Variants in SRP72 observed in about 807,000 individuals in gnomAD.
The protein encoded by SRP72 is signal recognition particle subunit SRP72.
In SRP72, 49 loss-of-function variants were observed where a neutral mutation model predicts 96.3. The ratio of observed to expected loss-of-function variants is 0.51; its 90% CI spans 0.40 to 0.65. SRP72 has a LOEUF of 0.65. Among genes scored for constraint, SRP72 ranks in the 30% least tolerant of loss-of-function variants. The pLI is 0.00. For missense variants in SRP72, 736 were observed against 793.3 expected (o/e 0.93, Z 0.87); for synonymous variants, 267 against 275.2 (o/e 0.97, Z 0.30).
At chr4:56,469,975 T>TC (rs917121562) in intron 2 of SRP72, among the ~76,000 whole-genome samples, 1 of 97,208 alleles carries the variant, frequency 1.0e-5, no homozygotes, top group African/African-American at 3.4e-5. Flanking sequence ...TTAGAGAGTT[T>TC]TTTTTTTTTT....
At chr4:56,493,358 A>G (rs1441240555) in intron 16 of SRP72, among the ~76,000 whole-genome samples, 1 of 152,014 alleles carries the variant, frequency 6.6e-6, no homozygotes, top group East Asian at 1.9e-4. Flanking sequence ...TTCTTAGACA[A>G]TCATTAAGAT....
intron 16 of SRP72, among the ~76,000 whole-genome samples, chr4:56,494,722 A>G (rs1372495036): frequency 6.6e-6 from 1 of 152,056 alleles, no homozygotes; most frequent in Non-Finnish European, 1.5e-5. Flanking sequence ...AATGCTTGAC[A>G]ATTATTTTGA....
At chr4:56,484,930 A>G (rs1177504968) in intron 10 of SRP72, 66 bp downstream of exon 10, 2 of 1,556,136 alleles carry the variant, frequency 1.3e-6, no homozygotes, top group African/African-American at 2.7e-5. Context: ...TTGTGTTGTA[A>G]TAACCTACTA....
intron 17 of SRP72, among the ~76,000 whole-genome samples, chr4:56,497,304 C>T (rs1479340831): frequency 2.0e-5 from 3 of 151,162 alleles, no homozygotes; most frequent in East Asian, 2.0e-4. Context: ...ACTGCAAGCT[C>T]CACCTCCCAG....
chr4:56,478,784 T>C (rs1578182227), intron 8 of SRP72, 135 bp downstream of exon 8: 1 of 772,488 alleles, frequency 1.3e-6, no homozygotes, highest in Non-Finnish European at 2.1e-6. Context: ...AAAATCACAA[T>C]GGATAGTATT....
chr4:56,476,712 C>A lies in SRP72; in HGVS notation c.642+10C>A. On this transcript the variant is annotated intron_variant, in intron 6 of 18. Coordinates refer to ENST00000642900, the MANE Select transcript of SRP72 (RefSeq NM_006947.4). ...ATTATCAGAAGACACTGTAAGTATT[C>A]CATCATTGTTAAACCTAAATTTTAC... The A allele has an allele frequency of 6.2e-7, 1 of 1,611,972 alleles. No individual in the cohort carries two copies. The highest frequency in any genetic ancestry group is 8.5e-7 in the Non-Finnish European group (1 of 1,179,410).
In SRP72 at chr4:56,488,183, AT is replaced by A. The variant is rs552311027; in HGVS notation, c.1224+172del. On this transcript the variant is annotated intron_variant, in intron 12 of 18. Transcript: ENST00000642900. ...ATTTAATTTCATTCTCTGCTCTGGTATTGGTTTCTTATTCAGTCAAATGTGC... is the reference window on the plus strand; with the variant it reads ...ATTTAATTTCATTCTCTGCTCTGGTATGGTTTCTTATTCAGTCAAATGTGC... Among the ~76,000 whole-genome samples, 13 of 152,286 alleles carry A rather than the reference AT, an allele frequency of 8.5e-5. No individual in the cohort carries two copies. The East Asian group carries it at 2.5e-3, about 29-fold the overall frequency.
chr4:56,501,565 AAG>A, intron 18 of SRP72, 117 bp from the exon 19 acceptor site: 2 of 852,286 alleles, frequency 2.3e-6, no homozygotes, highest in Non-Finnish European at 3.6e-6. Flanking sequence ...CTTACCTTAA[AAG>A]AAGTAGAAAA....
At chr4:56,486,157 AAGTG>A in intron 10 of SRP72, 164 bp from the exon 11 acceptor site, 1 of 514,188 alleles carries the variant, frequency 1.9e-6, no homozygotes, top group South Asian at 3.8e-5. Flanking sequence ...TTAAGAAAAA[AAGTG>A]AGTGTTGAAT....
At chr4:56,477,906 G>A (rs1720311048) in intron 6 of SRP72, among the ~76,000 whole-genome samples, 1 of 152,096 alleles carries the variant, frequency 6.6e-6, no homozygotes. Flanking sequence ...TTTTTTGTAT[G>A]GTGTTAATTG....
At chr4:56,473,539 TG>T (rs1720069451) in intron 3 of SRP72, among the ~76,000 whole-genome samples, 1 of 150,394 alleles carries the variant, frequency 6.6e-6, no homozygotes, top group African/African-American at 2.5e-5. Context: ...GAGGCTGAGG[TG>T]GGCGGATCAC....
At chr4:56,492,016 T>C (rs1720924963) in intron 16 of SRP72, among the ~76,000 whole-genome samples, 3 of 152,138 alleles carry the variant, frequency 2.0e-5, no homozygotes, top group Admixed American at 2.0e-4. Flanking sequence ...TTTTTGTGCA[T>C]TTAGTAGAGA....
intron 17 of SRP72, among the ~76,000 whole-genome samples, chr4:56,496,321 T>C (rs751145492): frequency 8.5e-5 from 13 of 152,222 alleles, no homozygotes; most frequent in Non-Finnish European, 1.9e-4. Context: ...CAAAATTTTA[T>C]TGACAATATC....
At chr4:56,483,320 A>C (rs757999738) in intron 9 of SRP72, 50 bp downstream of exon 9, 1 of 1,546,078 alleles carries the variant, frequency 6.5e-7, no homozygotes, top group Non-Finnish European at 8.8e-7. Flanking sequence ...AATATGGTAT[A>C]TGAGGAGTAA....
intron 18 of SRP72, 146 bp from the exon 19 acceptor site, chr4:56,501,538 G>A (rs1385814348): frequency 1.2e-5 from 8 of 641,340 alleles, no homozygotes; most frequent in East Asian, 2.9e-5. Context: ...AAGAAAAGTC[G>A]ATAGGGAGTT....
At position 56,489,373 on chromosome 4, in the gene SRP72, C is replaced by A. The variant is rs764933296; in HGVS notation, c.1225-15C>A. On this transcript the variant is annotated splice_polypyrimidine_tract_variant and intron_variant, in intron 12 of 18. Transcript: ENST00000642900. ...TGAAGGGGGAGTTCACTAATTTATA[C>A]CTTTGGCTGTGTAGGTATCTGCATT... 2 of 1,513,368 alleles carry A rather than the reference C, an allele frequency of 1.3e-6. No homozygotes were observed. The highest frequency in any genetic ancestry group is 1.8e-5 in the Admixed American group (1 of 56,594). 93.7% of individuals were successfully genotyped at this position (1,513,368 alleles called of 1,614,324 possible).
At chr4:56,471,520 A>G (rs1374036662) in intron 2 of SRP72, among the ~76,000 whole-genome samples, 200 bp from the exon 3 acceptor site, 1 of 152,226 alleles carries the variant, frequency 6.6e-6, no homozygotes, top group African/African-American at 2.4e-5. Context: ...AAGAGAGGCT[A>G]GGGAAGTTGA....
chr4:56,476,838 C>G (rs1578180134), intron 6 of SRP72, 136 bp downstream of exon 6: 1 of 807,016 alleles, frequency 1.2e-6, no homozygotes, highest in Non-Finnish European at 1.9e-6. Flanking sequence ...AGAAACCACC[C>G]TCTAGTATCA....
Position 56,491,420 on chromosome 4 carries a change from T to A in SRP72, c.1503-11T>A. The A allele has an allele frequency of 1.9e-6, 3 of 1,612,522 alleles. No individual in the cohort carries two copies. The highest frequency in any genetic ancestry group is 2.5e-6 in the Non-Finnish European group (3 of 1,179,324). On this transcript the variant is annotated splice_polypyrimidine_tract_variant and intron_variant, in intron 15 of 18. Coordinates refer to ENST00000642900, the MANE Select transcript of SRP72 (RefSeq NM_006947.4). The stretch of plus-strand genomic sequence containing the variant: ...TGTATATTATGTTCCTGAACTCCTG[T>A]TCTATCACAGTCTTAGTAAACACTT...
Sources: allele counts gnomAD v4.1 joint callset (sites outside exome capture counted in the v4.1 genomes callset), GRCh38; gene constraint gnomAD v4.1.1; transcripts MANE v1.5; gene names NCBI Gene and HGNC (gene_info 2026-07-23, HGNC 2026-07-21).